Variants in CYP4F11 observed in about 807,000 individuals in gnomAD.
CYP4F11 encodes cytochrome P450 4F11.
A neutral mutation model predicts 62.2 loss-of-function variants in CYP4F11; 79 were observed. The ratio of observed to expected loss-of-function variants is 1.27; its 90% CI spans 1.06 to 1.53. The LOEUF is 1.53. Ranked by LOEUF, CYP4F11 falls within the 40% of genes most tolerant of loss-of-function variation. The probability of loss-of-function intolerance (pLI) is 0.00; values close to 1 mark genes in which losing one functional copy is unlikely to be tolerated. For synonymous variants in CYP4F11, 290 were observed against 263.7 expected (o/e 1.10, Z -0.97); for missense variants, 777 against 680.5 (o/e 1.14, Z -1.58).
intron 1 of CYP4F11, among the ~76,000 whole-genome samples, chr19:15,931,559 AGCGAGGAGAGGAATGAGTGAGCGAGG>A (rs2089719409): frequency 1.8e-5 from 2 of 108,516 alleles, no homozygotes; most frequent in East Asian, 2.7e-4. Context: ...GGAATGAGTG[AGCGAGGAGAGGAATGAGTGAGCGAGG>A]AGAGGAATGA....
At chr19:15,921,727 A>C (rs1479504031) in intron 8 of CYP4F11, among the ~76,000 whole-genome samples, 2 of 152,210 alleles carry the variant, frequency 1.3e-5, no homozygotes, top group African/African-American at 4.8e-5. Context: ...TCAGAAAGTG[A>C]AGATGTTTGA....
At position 15,927,388 on chromosome 19, in the gene CYP4F11, C is replaced by A. The variant is rs148593440; in HGVS notation, c.397+42G>T. 315 of 1,613,976 alleles carry A rather than the reference C, an allele frequency of 2.0e-4. No individual in the cohort carries two copies. The African/African-American group carries it at 3.9e-3, about 20-fold the overall frequency. ...GGTCAAGGGCAGCACCCTCCCTTAT[C>A]CCTAAAGGATATCCCCAACCCCATT... On this transcript the variant is annotated intron_variant, in intron 3 of 11. Transcript: ENST00000402119.
At chr19:15,925,798 C>T (rs1479798943) in intron 4 of CYP4F11, among the ~76,000 whole-genome samples, 2 of 149,748 alleles carry the variant, frequency 1.3e-5, no homozygotes, top group African/African-American at 4.9e-5. Flanking sequence ...ATTGTGTTTG[C>T]AGAGAACAAC....
intron 8 of CYP4F11, among the ~76,000 whole-genome samples, chr19:15,918,319 A>G (rs1472093699): frequency 6.6e-6 from 1 of 152,172 alleles, no homozygotes; most frequent in Non-Finnish European, 1.5e-5. Context: ...AGCATCGGGA[A>G]GAATAGCTAA....
chr19:15,914,736 G>T, intron 9 of CYP4F11, 26 bp downstream of exon 9: 1 of 1,613,902 alleles, frequency 6.2e-7, no homozygotes, highest in Non-Finnish European at 8.5e-7. Context: ...TACCCAGGAG[G>T]CTCCTCCCCC....
chr19:15,929,708 T>G, intron 1 of CYP4F11, 107 bp from the exon 2 acceptor site: 2 of 1,281,034 alleles, frequency 1.6e-6, no homozygotes, highest in Non-Finnish European at 2.2e-6. Flanking sequence ...AGATAAAACA[T>G]GCTGGTAAAA....
rs59298519 is a variant in CYP4F11 at position 15,912,678 on chromosome 19, A to ATATATATATAT, written c.*1053_*1054insATATATATATA. The ATATATATATAT allele has an allele frequency of 1.9e-5, 1 of 52,964 alleles. No individual in the cohort carries two copies. The allele number at this position is 52,964 out of a possible 1,614,324, so 3.3% of individuals were successfully genotyped here. A position where few individuals can be genotyped will look rare whatever the true frequency, so the allele number is the denominator to read the frequency against. On this transcript the variant is annotated 3_prime_UTR_variant, in exon 12 of 12. Transcript: ENST00000402119. ...CTTCACCATCCTCAGGAAAAAAAAAAAAATATATATATATATATATGTGTG... is the reference window on the plus strand; with the variant it reads ...CTTCACCATCCTCAGGAAAAAAAAAATATATATATATAAATATATATATATATATATGTGTG...
intron 2 of CYP4F11, 50 bp from the exon 3 acceptor site, chr19:15,927,533 A>G (rs1471952891): frequency 6.2e-7 from 1 of 1,610,192 alleles, no homozygotes; most frequent in Admixed American, 1.7e-5. Flanking sequence ...TGAGAGAAGG[A>G]CTTTGGGTAT....
Position 15,929,603 on chromosome 19 carries a change from T to C in CYP4F11, c.199-2A>G. 1 of 1,590,286 alleles carries C rather than the reference T, an allele frequency of 6.3e-7. No individual in the cohort carries two copies. The highest frequency in any genetic ancestry group is 8.6e-7 in the Non-Finnish European group (1 of 1,166,850). ...CATGCCCTCTTCCGTGGGAGTGACC[T>C]GAAAACAAGGCAGAGGCCGTCAGCC... On this transcript the variant is annotated splice_acceptor_variant, in intron 1 of 11. Transcript: ENST00000402119. LOFTEE classifies it high-confidence loss of function.
intron 1 of CYP4F11, 73 bp downstream of exon 1, chr19:15,934,138 C>T: frequency 6.5e-7 from 1 of 1,538,062 alleles, no homozygotes; most frequent in Non-Finnish European, 8.9e-7. Flanking sequence ...ACCCAGCTCC[C>T]TGAGCCCCAT....
chr19:15,913,749 C>G lies in CYP4F11; in HGVS notation c.1558G>C (p.Gly520Arg). 8 of 1,614,114 alleles carry G rather than the reference C, an allele frequency of 5.0e-6. No homozygotes were observed. The highest frequency in any genetic ancestry group is 6.8e-6 in the Non-Finnish European group (8 of 1,180,020). Residue 520 changes from glycine (G) to arginine (R), a missense_variant, in exon 12 of 12, where the codon GGT (glycine) becomes CGT (arginine). Gly to Arg is a moderately radical substitution (Grantham distance 125). Coordinates refer to ENST00000402119, the MANE Select transcript of CYP4F11 (RefSeq NM_021187.4). ...TAGGACAGTCACTGTGAGTTCGCACCCAGGGGCTCCACCCGCAGCCAAAGT... is the reference window on the plus strand; with the variant it reads ...TAGGACAGTCACTGTGAGTTCGCACGCAGGGGCTCCACCCGCAGCCAAAGT... ...GGLWLRVEPLGANSQ is the reference protein window; with the variant it reads ...GGLWLRVEPLRANSQ
At chr19:15,924,975 C>T in intron 4 of CYP4F11, 93 bp from the exon 5 acceptor site, 2 of 1,382,112 alleles carry the variant, frequency 1.4e-6, no homozygotes, top group Non-Finnish European at 1.9e-6. Flanking sequence ...CTGCAATCAT[C>T]CTCCTGGTCC....
At position 15,923,837 on chromosome 19, in the gene CYP4F11, A is replaced by C. The variant is rs1463827911; in HGVS notation, c.893T>G (p.Phe298Cys). 10 of 1,613,752 alleles carry C rather than the reference A, an allele frequency of 6.2e-6. No individual in the cohort carries two copies. Among genetic ancestry groups the C allele is most frequent in the Non-Finnish European group, 8.5e-6 (10 of 1,179,756 alleles). Residue 298 changes from phenylalanine (F) to cysteine (C), a missense_variant, in exon 6 of 12, where the codon TTC (phenylalanine) becomes TGC (cysteine). By Grantham distance (205) the Phe-to-Cys change is radical. Transcript: ENST00000402119. ...KNKAKSKTLD[F>C]IDVLLLSKDE... ...CTTGCTCAGCAGAAGCACATCAATGAAGTCTAAAGTCTTGGACTTTGCCTT... is the reference window on the plus strand; with the variant it reads ...CTTGCTCAGCAGAAGCACATCAATGCAGTCTAAAGTCTTGGACTTTGCCTT...
At chr19:15,917,227 T>C (rs1277705724) in intron 8 of CYP4F11, among the ~76,000 whole-genome samples, 1 of 152,106 alleles carries the variant, frequency 6.6e-6, no homozygotes, top group African/African-American at 2.4e-5. Context: ...GCTATGAGGA[T>C]GCAAAAATAT....
At chr19:15,914,022 A>AAAG (rs780287082) in intron 11 of CYP4F11, 113 bp from the exon 12 acceptor site, 6 of 1,337,778 alleles carry the variant, frequency 4.5e-6, no homozygotes, top group Non-Finnish European at 6.1e-6. Flanking sequence ...TGAGGGGCAG[A>AAAG]AAGAGGGGAT....
At chr19:15,917,273 G>C (rs2089590473) in intron 8 of CYP4F11, among the ~76,000 whole-genome samples, 2 of 152,108 alleles carry the variant, frequency 1.3e-5, no homozygotes, top group South Asian at 4.1e-4. Flanking sequence ...GACTCAGGGA[G>C]GGACGTTGGG....
In CYP4F11 at chr19:15,913,640, G is replaced by T; in HGVS notation, c.*92C>A. Reference sequence around the variant, plus strand: ...TCTTAGATCCCACCAGTCCCCAGGAGCCCCATGCTGGCTGTCAACGAGGCT... The same window carrying T: ...TCTTAGATCCCACCAGTCCCCAGGATCCCCATGCTGGCTGTCAACGAGGCT... On this transcript the variant is annotated 3_prime_UTR_variant, in exon 12 of 12. Transcript: ENST00000402119. The T allele has an allele frequency of 6.6e-7, 1 of 1,503,838 alleles. No homozygotes were observed. Among genetic ancestry groups the T allele is most frequent in the South Asian group, 1.2e-5 (1 of 85,568 alleles). The allele number at this position is 1,503,838 out of a possible 1,614,324, so 93.2% of individuals were successfully genotyped here. A position where few individuals can be genotyped will look rare whatever the true frequency, so the allele number is the denominator to read the frequency against.
chr19:15,928,462 G>A (rs1219302631), intron 2 of CYP4F11, among the ~76,000 whole-genome samples: 1 of 152,168 alleles, frequency 6.6e-6, no homozygotes, highest in Non-Finnish European at 1.5e-5. Flanking sequence ...TGGTAAAATC[G>A]AGAGAAGGAG....
At chr19:15,934,644 C>A, upstream of CYP4F11, 1 of 475,670 alleles carries the variant, frequency 2.1e-6, no homozygotes, top group South Asian at 2.9e-5. Flanking sequence ...TGATTAGAAT[C>A]CAAAAAGGCC....
Sources: gnomAD v4.1 joint callset for allele counts (sites outside exome capture counted in the v4.1 genomes callset) on GRCh38, gnomAD v4.1.1 for gene constraint, MANE v1.5 for transcripts, NCBI Gene and HGNC (gene_info 2026-07-23, HGNC 2026-07-21) for gene names.